Variants in SENP6 observed in about 807,000 individuals in gnomAD.
SENP6 encodes the protein sentrin-specific protease 6.
Under a neutral mutation model 134.5 loss-of-function variants are expected in SENP6, and 41 were observed. The ratio of observed to expected loss-of-function variants is 0.30; its 90% CI spans 0.24 to 0.40. The LOEUF (loss-of-function observed/expected upper bound fraction) is 0.40. Among genes scored for constraint, SENP6 ranks in the 10% least tolerant of loss-of-function variants. The pLI is 1.00. For synonymous variants in SENP6, 395 were observed against 429.8 expected (o/e 0.92, Z 1.00); for missense variants, 1,248 against 1,312.5 (o/e 0.95, Z 0.76).
intron 19 of SENP6, 86 bp from the exon 20 acceptor site, chr6:75,709,441 T>G: frequency 1.2e-6 from 1 of 823,600 alleles, no homozygotes; most frequent in Non-Finnish European, 2.0e-6. Context: ...GTATCATTAA[T>G]TAACTACTAG....
At chr6:75,664,235 G>GCACCTACTATAT (rs1772014214) in intron 9 of SENP6, among the ~76,000 whole-genome samples, 1 of 151,388 alleles carries the variant, frequency 6.6e-6, no homozygotes, top group South Asian at 2.1e-4. Context: ...AGTGTAGCCA[G>GCACCTACTATAT]GGCAATATAG....
At position 75,602,283 on chromosome 6, in the gene SENP6, G is replaced by A; in HGVS notation, c.-242G>A. On this transcript the variant is annotated 5_prime_UTR_variant, in exon 1 of 24. Coordinates refer to ENST00000447266, the MANE Select transcript of SENP6 (RefSeq NM_015571.4). ...CGTCGTCGCCGGTCGCGTTCCCCCG[G>A]AGAGGCCTGAGAAGCTCGGGCCGCG... is the stretch of plus-strand genomic sequence containing the variant. 2.5e-6 allele frequency: 1 copy of A among 395,964 alleles called. No homozygotes were observed. Among genetic ancestry groups the A allele is most frequent in the Non-Finnish European group, 4.5e-6 (1 of 224,016 alleles). The allele number at this position is 395,964 out of a possible 1,614,324, so 24.5% of individuals were successfully genotyped here.
intron 1 of SENP6, among the ~76,000 whole-genome samples, chr6:75,609,615 TGTG>T (rs2149818821): frequency 6.6e-6 from 1 of 152,306 alleles, no homozygotes; most frequent in African/African-American, 2.4e-5. Context: ...TCAACAGTCA[TGTG>T]GTATTTTAAA....
intron 19 of SENP6, among the ~76,000 whole-genome samples, chr6:75,706,528 T>G (rs1775415864): frequency 6.6e-6 from 1 of 152,186 alleles, no homozygotes; most frequent in Non-Finnish European, 1.5e-5. Flanking sequence ...TCTGGTCAAG[T>G]AAAAGCCAGT....
chr6:75,664,874 T>C (rs1179282752), intron 9 of SENP6, among the ~76,000 whole-genome samples: 1 of 152,222 alleles, frequency 6.6e-6, no homozygotes. Flanking sequence ...CCCTGTTCTC[T>C]TATAGTTTAT....
At chr6:75,646,234 T>A (rs925282492) in intron 6 of SENP6, among the ~76,000 whole-genome samples, 2 of 152,228 alleles carry the variant, frequency 1.3e-5, no homozygotes, top group East Asian at 3.8e-4. Flanking sequence ...CTGTTACTAC[T>A]ACATCTCAGG....
chr6:75,646,714 T>G (rs897363597), intron 6 of SENP6: 4 of 152,232 alleles, frequency 2.6e-5, no homozygotes, highest in African/African-American at 9.7e-5. Context: ...TGGGCGCCTG[T>G]AGTCCTAGCT....
chr6:75,639,616 T>G (rs1769875110), intron 5 of SENP6, among the ~76,000 whole-genome samples: 1 of 152,148 alleles, frequency 6.6e-6, no homozygotes, highest in Non-Finnish European at 1.5e-5. Context: ...GAATCTCATT[T>G]TATTCTAAAT....
rs560905320 is a variant in SENP6 at position 75,602,380 on chromosome 6, C to T, written c.-145C>T. 13 of 923,688 alleles carry T rather than the reference C, an allele frequency of 1.4e-5. No individual in the cohort carries two copies. Among genetic ancestry groups the T allele is most frequent in the South Asian group, 4.8e-5 (3 of 62,822 alleles). 57.2% of individuals were successfully genotyped at this position (923,688 alleles called of 1,614,324 possible). ...CTGCCTTTGTATAGGCCCGTCTGAACGTGGGAGCGCAGCCCGCCTGACGGC... is the reference window on the plus strand; with the variant it reads ...CTGCCTTTGTATAGGCCCGTCTGAATGTGGGAGCGCAGCCCGCCTGACGGC... On this transcript the variant is annotated 5_prime_UTR_variant, in exon 1 of 24. The change creates a new upstream start codon in the 5' untranslated region. Coordinates refer to ENST00000447266, the MANE Select transcript of SENP6 (RefSeq NM_015571.4).
Position 75,633,633 on chromosome 6 carries a change from A to G in SENP6, c.260A>G (p.Lys87Arg). 1 of 1,611,104 alleles carries G rather than the reference A, an allele frequency of 6.2e-7. No individual in the cohort carries two copies. Among genetic ancestry groups the G allele is most frequent in the Non-Finnish European group, 8.5e-7 (1 of 1,178,900 alleles). Residue 87 changes from lysine to arginine, a missense_variant, in exon 4 of 24, where the codon AAG becomes AGG. Physicochemically the swap from Lys to Arg is conservative, Grantham distance 26. Around this residue, in one of 3 missense-constraint regions of SENP6, gnomAD observed 733 missense variants for 725.4 expected, o/e 1.01. Transcript: ENST00000447266. ...VANSSGEFIL[K>R]TYVRRNKSES... ...AATAGCTCTGGTGAATTCATCTTGA[A>G]GACATATGTAAGACGAAACAAGTCT...
At chr6:75,622,951 T>C (rs1582690135) in intron 2 of SENP6, 1 of 474,588 alleles carries the variant, frequency 2.1e-6, no homozygotes, top group Non-Finnish European at 3.3e-6. Context: ...AAAACAATTA[T>C]TCAGTATGCA....
chr6:75,602,738 G>C (rs558873463), intron 1 of SENP6, among the ~76,000 whole-genome samples, 162 bp downstream of exon 1: 1 of 152,332 alleles, frequency 6.6e-6, no homozygotes, highest in South Asian at 2.1e-4. Context: ...GAGCGCACCT[G>C]GTTCGAGTCC....
chr6:75,618,968 T>G (rs1457368274), intron 1 of SENP6, among the ~76,000 whole-genome samples: 1 of 152,050 alleles, frequency 6.6e-6, no homozygotes, highest in East Asian at 1.9e-4. Context: ...CATTGAAGTT[T>G]TATATTTTTT....
At chr6:75,645,437 G>A (rs1445503714) in intron 6 of SENP6, among the ~76,000 whole-genome samples, 1 of 152,164 alleles carries the variant, frequency 6.6e-6, no homozygotes, top group African/African-American at 2.4e-5. Context: ...CTGACATGGT[G>A]AAACACCATC....
At chr6:75,715,284 C>T (rs987734367) in intron 23 of SENP6, 101 bp from the exon 24 acceptor site, 15 of 832,336 alleles carry the variant, frequency 1.8e-5, no homozygotes, top group African/African-American at 8.6e-5. Flanking sequence ...ATATTGAATG[C>T]GTTGTTGGGT....
chr6:75,605,790 T>C (rs1766983856), intron 1 of SENP6, among the ~76,000 whole-genome samples: 1 of 152,152 alleles, frequency 6.6e-6, no homozygotes, highest in African/African-American at 2.4e-5. Flanking sequence ...GGTTTATCTT[T>C]TTTTAAAAAA....
Position 75,647,750 on chromosome 6 carries a change from G to C in SENP6, c.499G>C (p.Val167Leu), listed in dbSNP as rs780108553. The change falls in exon 7 of 24, where the codon GTC (valine) becomes CTC (leucine). Residue 167 changes from valine to leucine, a missense_variant. Physicochemically the swap from Val to Leu is conservative, Grantham distance 32 (BLOSUM62 1). Coordinates refer to ENST00000447266, the MANE Select transcript of SENP6 (RefSeq NM_015571.4). ...RKERKEYPPH[V>L]QKVEINPVRL... ...TTTTAGGAAAGAATACCCACCTCAT[G>C]TCCAAAAAGTTGAAATTAATCCTGT... 6.2e-7 allele frequency: 1 copy of C among 1,611,896 alleles called. No individual in the cohort carries two copies. Among genetic ancestry groups the C allele is most frequent in the African/African-American group, 1.3e-5 (1 of 74,956 alleles).
At chr6:75,627,237 C>T (rs1768767818) in intron 3 of SENP6, among the ~76,000 whole-genome samples, 1 of 152,194 alleles carries the variant, frequency 6.6e-6, no homozygotes, top group Non-Finnish European at 1.5e-5. Flanking sequence ...GCTGAGATTA[C>T]AGGCGTGAGC....
chr6:75,642,607 G>C (rs1038563089), intron 6 of SENP6, among the ~76,000 whole-genome samples: 2 of 152,200 alleles, frequency 1.3e-5, no homozygotes, highest in Non-Finnish European at 2.9e-5. Context: ...GACTGGCTGG[G>C]ACCTACGTCA....
Sources: allele counts gnomAD v4.1 joint callset (sites outside exome capture counted in the v4.1 genomes callset), GRCh38; gene constraint gnomAD v4.1.1; regional missense constraint gnomAD v4.1.1; transcripts MANE v1.5; gene names NCBI Gene and HGNC (gene_info 2026-07-23, HGNC 2026-07-21).